ANKRD36: variants seen among roughly 807,000 people sequenced by gnomAD.
ANKRD36 encodes ankyrin repeat domain-containing protein 36A.
Under a neutral mutation model 278.1 loss-of-function variants are expected in ANKRD36, and 179 were observed. That is an observed-to-expected ratio of 0.64 (90% confidence interval 0.57 to 0.73). ANKRD36 has a LOEUF of 0.73. Ranked by LOEUF, ANKRD36 falls within the 30% of genes least tolerant of loss-of-function variation. The probability of loss-of-function intolerance (pLI) is 0.00; values close to 1 mark genes in which losing one functional copy is unlikely to be tolerated. For missense variants in ANKRD36, 1,159 were observed against 1,956.7 expected (o/e 0.59, Z 7.69); for synonymous variants, 320 against 641.1 (o/e 0.50, Z 7.57).
chr2:97,196,372 CA>C (rs1199841206), intron 40 of ANKRD36, among the ~76,000 whole-genome samples: 1 of 151,956 alleles, frequency 6.6e-6, no homozygotes, highest in African/African-American at 2.4e-5. Context: ...CATGAGAAAT[CA>C]TGCCATGTTT....
chr2:97,231,864 A>G (rs532954281), intron 67 of ANKRD36, among the ~76,000 whole-genome samples: 4,060 of 151,850 alleles, frequency 0.027, 125 homozygotes, highest in African/African-American at 0.093. Context: ...ATTAGTTAGT[A>G]ATATTAGGAA....
intron 67 of ANKRD36, among the ~76,000 whole-genome samples, chr2:97,230,277 A>G (rs1414117890): frequency 6.6e-6 from 1 of 152,062 alleles, no homozygotes; most frequent in African/African-American, 2.4e-5. Context: ...AGGTACACCA[A>G]TCAGATGTAG....
intron 42 of ANKRD36, 149 bp downstream of exon 42, chr2:97,196,937 T>A: frequency 7.7e-7 from 1 of 1,293,418 alleles, no homozygotes; most frequent in Non-Finnish European, 1.0e-6. Flanking sequence ...TCTTGGGTGA[T>A]GCTGATGCTG....
chr2:97,128,081 T>C (rs904853955), intron 6 of ANKRD36, among the ~76,000 whole-genome samples: 1 of 151,880 alleles, frequency 6.6e-6, no homozygotes, highest in East Asian at 1.9e-4. Context: ...GCCTTTATAC[T>C]GCACACAAGA....
In ANKRD36 at chr2:97,118,046, G is replaced by A. The variant is rs2035962244; in HGVS notation, c.198-18G>A. ...TGCTTACAGTTACATGTTTTAAAAA[G>A]TCCTGTCACTCTCACAGGACCGCCC... On this transcript the variant is annotated intron_variant, in intron 1 of 75. Transcript: ENST00000420699. The A allele has an allele frequency of 2.6e-6, 4 of 1,547,402 alleles. No homozygotes were observed. The highest frequency in any genetic ancestry group is 2.4e-5 in the South Asian group (2 of 83,270).
intron 67 of ANKRD36, among the ~76,000 whole-genome samples, chr2:97,228,086 T>A (rs995704656): frequency 1.3e-5 from 2 of 152,100 alleles, no homozygotes; most frequent in African/African-American, 4.8e-5. Context: ...AGGATACTGG[T>A]CTAAAATTCT....
At chr2:97,157,453 A>G (rs575943097) in intron 15 of ANKRD36, among the ~76,000 whole-genome samples, 180 of 133,104 alleles carry the variant, frequency 1.4e-3, no homozygotes, top group African/African-American at 5.1e-3. Flanking sequence ...TTTAGTGTCT[A>G]TTCTTTCATT....
chr2:97,127,310 TATA>T (rs1225293333), intron 6 of ANKRD36, among the ~76,000 whole-genome samples, 176 bp downstream of exon 6: 1 of 151,922 alleles, frequency 6.6e-6, no homozygotes, highest in African/African-American at 2.4e-5. Flanking sequence ...GTAGGTAATT[TATA>T]ATGTCAGTAT....
At chr2:97,215,761 A>C in intron 62 of ANKRD36, 3 of 858,342 alleles carry the variant, frequency 3.5e-6, no homozygotes, top group Middle Eastern at 3.3e-4. Context: ...GCCTCAGGGG[A>C]CAGCATCATT....
rs1251517093 is a variant in ANKRD36, at chr2:97,244,178, T to C, written c.4491+149T>C. The C allele has an allele frequency of 8.0e-6, 9 of 1,123,266 alleles. No individual in the cohort carries two copies. In the African/African-American group the frequency reaches 1.2e-4, roughly 15 times the overall value. 69.6% of individuals were successfully genotyped at this position (1,123,266 alleles called of 1,614,324 possible). ...TGAATCATGGCATTTATAGCTATAATTATTTATAATAAACCTTGAAATATT... is the reference window on the plus strand; with the variant it reads ...TGAATCATGGCATTTATAGCTATAACTATTTATAATAAACCTTGAAATATT... On this transcript the variant is annotated intron_variant, in intron 70 of 75. Coordinates refer to ENST00000420699, the MANE Select transcript of ANKRD36 (RefSeq NM_001354587.1).
At chr2:97,209,436 T>C (rs2063757256) in intron 54 of ANKRD36, among the ~76,000 whole-genome samples, 1 of 146,538 alleles carries the variant, frequency 6.8e-6, no homozygotes, top group South Asian at 2.1e-4. Context: ...CACGGTTTTA[T>C]TTTAGTTTTT....
chr2:97,117,047 CT>C (rs58474116), intron 1 of ANKRD36, among the ~76,000 whole-genome samples: 84,295 of 143,522 alleles, frequency 0.59, 28,017 homozygotes, highest in Non-Finnish European at 0.78. Flanking sequence ...TCTTTTATTC[CT>C]TTTTTTTTTT....
At chr2:97,165,835 A>C (rs924528242) in intron 20 of ANKRD36, among the ~76,000 whole-genome samples, 2 of 152,296 alleles carry the variant, frequency 1.3e-5, no homozygotes, top group African/African-American at 4.8e-5. Context: ...TGTCCATGGC[A>C]CTCTGATCTC....
chr2:97,206,093 A>G lies in ANKRD36; in HGVS notation c.3121A>G (p.Ser1041Gly), dbSNP rs534509630. ...ATSDEEDSVL[S>G]IARENKDGEK... ...AAGTGATGAGGAAGATTCTGTTTTG[A>G]GTATAGCCAGAGAAAACAAGGATGG... The change falls in exon 52 of 76, where the codon AGT (serine) becomes GGT (glycine). Residue 1041 changes from serine to glycine, a missense_variant. Physicochemically the swap from Ser to Gly is moderately conservative, Grantham distance 56. Coordinates refer to ENST00000420699, the MANE Select transcript of ANKRD36 (RefSeq NM_001354587.1). 194 of 1,549,624 alleles carry G rather than the reference A, an allele frequency of 1.3e-4. 1 individual carries two copies. Among genetic ancestry groups the G allele is most frequent in the Non-Finnish European group, 1.6e-4 (183 of 1,149,146 alleles).
chr2:97,202,285 T>G, intron 47 of ANKRD36, 36 bp from the exon 48 acceptor site: 1 of 1,600,252 alleles, frequency 6.2e-7, no homozygotes, highest in Non-Finnish European at 8.5e-7. Flanking sequence ...CTATGAAACA[T>G]ACTTTATTTA....
intron 36 of ANKRD36, among the ~76,000 whole-genome samples, chr2:97,191,869 GT>G (rs1436997479): frequency 6.6e-6 from 1 of 151,654 alleles, no homozygotes; most frequent in Non-Finnish European, 1.5e-5. Flanking sequence ...AGAGATACAT[GT>G]TTTGTTGATT....
At chr2:97,180,074 C>A in intron 24 of ANKRD36, 141 bp downstream of exon 24, 1 of 1,264,496 alleles carries the variant, frequency 7.9e-7, no homozygotes, top group South Asian at 1.4e-5. Flanking sequence ...GTAGTGAGTT[C>A]TCAGGTGACC....
intron 28 of ANKRD36, among the ~76,000 whole-genome samples, chr2:97,184,605 G>C (rs2056991983): frequency 6.6e-6 from 1 of 151,616 alleles, no homozygotes; most frequent in Non-Finnish European, 1.5e-5. Flanking sequence ...ATTGCATTTT[G>C]TATAAATATG....
chr2:97,179,799 T>TA (rs769946516), intron 23 of ANKRD36, 33 bp downstream of exon 23: 1 of 1,597,378 alleles, frequency 6.3e-7, no homozygotes, highest in East Asian at 2.2e-5. Context: ...GTTGAACTAT[T>TA]AACTGTATAG....
Sources: gnomAD v4.1 joint callset for allele counts (sites outside exome capture counted in the v4.1 genomes callset) on GRCh38, gnomAD v4.1.1 for gene constraint, MANE v1.5 for transcripts, NCBI Gene and HGNC (gene_info 2026-07-23, HGNC 2026-07-21) for gene names.